ULK4: variants seen among roughly 807,000 people sequenced by gnomAD.
The protein encoded by ULK4 is unc-51 like kinase 4, also known as inactive serine/threonine-protein kinase ULK4.
Under a neutral mutation model 160.6 loss-of-function variants are expected in ULK4, and 133 were observed. The observed-to-expected ratio is 0.83, with a 90% CI of 0.72 to 0.96. ULK4 has a LOEUF of 0.96. Ranked by LOEUF, ULK4 falls within the 40% of genes least tolerant of loss-of-function variation. The pLI is 0.00. For missense variants in ULK4, 1,580 were observed against 1,499.5 expected, an observed-to-expected ratio of 1.05 and a Z score of -0.89; for synonymous variants, 534 against 539.8, an observed-to-expected ratio of 0.99 and a Z score of 0.15.
chr3:41,295,792 A>T (rs1482254511), intron 35 of ULK4, among the ~76,000 whole-genome samples: 1 of 152,254 alleles, frequency 6.6e-6, no homozygotes, highest in African/African-American at 2.4e-5. Flanking sequence ...GCTAGCAAGG[A>T]TGCAGAGCAA....
chr3:41,956,921 C>T (rs1700503136), intron 1 of ULK4, among the ~76,000 whole-genome samples: 1 of 152,160 alleles, frequency 6.6e-6, no homozygotes, highest in African/African-American at 2.4e-5. Context: ...AAAAAGTTTG[C>T]CAACCCCTGC....
At chr3:41,526,713 T>A (rs1019654575) in intron 32 of ULK4, among the ~76,000 whole-genome samples, 6 of 152,216 alleles carry the variant, frequency 3.9e-5, no homozygotes, top group Non-Finnish European at 5.9e-5. Context: ...ATACTTTGTT[T>A]GAAATCTACA....
At chr3:41,495,164 T>C (rs1399701325) in intron 32 of ULK4, among the ~76,000 whole-genome samples, 1 of 152,198 alleles carries the variant, frequency 6.6e-6, no homozygotes, top group Non-Finnish European at 1.5e-5. Flanking sequence ...GGCATCACAC[T>C]ACCTGACTTC....
At chr3:41,579,972 A>G (rs2030148882) in intron 31 of ULK4, among the ~76,000 whole-genome samples, 1 of 152,150 alleles carries the variant, frequency 6.6e-6, no homozygotes, top group Non-Finnish European at 1.5e-5. Flanking sequence ...CAGGCACTTC[A>G]AGGCATTTCT....
At chr3:41,459,923 C>CA (rs898722639) in intron 33 of ULK4, among the ~76,000 whole-genome samples, 60 of 152,242 alleles carry the variant, frequency 3.9e-4, no homozygotes, top group African/African-American at 1.3e-3. Flanking sequence ...AATGAGATGT[C>CA]ACTGAAGTTT....
At chr3:41,928,809 T>C (rs181273394) in intron 5 of ULK4, among the ~76,000 whole-genome samples, 19 of 152,134 alleles carry the variant, frequency 1.2e-4, no homozygotes, top group African/African-American at 4.3e-4. Context: ...AATCCCTGAA[T>C]AGACCAGTAA....
chr3:41,895,688 C>CA (rs1169747000), intron 15 of ULK4, 124 bp from the exon 16 acceptor site: 2 of 428,620 alleles, frequency 4.7e-6, no homozygotes, highest in African/African-American at 2.1e-5. Flanking sequence ...CACTGTACAC[C>CA]AAAAATGGTA....
chr3:41,847,640 T>C (rs2042101898), intron 17 of ULK4, among the ~76,000 whole-genome samples: 1 of 152,230 alleles, frequency 6.6e-6, no homozygotes. Context: ...CCCTTTGTTC[T>C]AAGTGGTTTC....
chr3:41,834,226 G>A (rs1483618612), intron 18 of ULK4, among the ~76,000 whole-genome samples: 1 of 151,738 alleles, frequency 6.6e-6, no homozygotes, highest in Non-Finnish European at 1.5e-5. Flanking sequence ...TTCAACCAAA[G>A]AAAGATGTAC....
chr3:41,934,499 A>C (rs780120204), intron 4 of ULK4, among the ~76,000 whole-genome samples: 11 of 152,262 alleles, frequency 7.2e-5, no homozygotes, highest in Non-Finnish European at 1.5e-4. Flanking sequence ...ACAATAACTG[A>C]CATCACTGTG....
rs80217357 is a variant in ULK4, at chr3:41,472,640, G to A, written c.3227-9387C>T. Among the ~76,000 whole-genome samples the A allele has an allele frequency of 7.8e-3, 1,183 of 151,430 alleles. 9 individuals are homozygous for A. The highest frequency in any genetic ancestry group is 0.02 in the African/African-American group (841 of 41,314). ...TTGAATAAATAGTAAAAAGTCTTCC[G>A]TCAAAGAAAAGCCCAGGACCTAATG... On this transcript the variant is annotated intron_variant, in intron 32 of 36. Transcript: ENST00000301831.
intron 30 of ULK4, among the ~76,000 whole-genome samples, chr3:41,619,286 C>T (rs902148986): frequency 1.3e-5 from 2 of 151,844 alleles, no homozygotes; most frequent in African/African-American, 2.4e-5. Context: ...TAATAGATAC[C>T]TACAGAACTC....
intron 11 of ULK4, among the ~76,000 whole-genome samples, chr3:41,909,350 T>C (rs1698691958): frequency 6.6e-6 from 1 of 152,176 alleles, no homozygotes; most frequent in Non-Finnish European, 1.5e-5. Context: ...ATTAAACATA[T>C]ACTTACATAG....
intron 32 of ULK4, among the ~76,000 whole-genome samples, chr3:41,525,007 G>T (rs1245694159): frequency 6.6e-6 from 1 of 152,010 alleles, no homozygotes; most frequent in Non-Finnish European, 1.5e-5. Flanking sequence ...AGATAAAGAC[G>T]GTTAACCAAA....
chr3:41,427,201 A>G (rs2082796272), intron 34 of ULK4, among the ~76,000 whole-genome samples: 1 of 152,222 alleles, frequency 6.6e-6, no homozygotes, highest in East Asian at 1.9e-4. Context: ...CACTCTCCCA[A>G]GACTGAACCA....
intron 21 of ULK4, among the ~76,000 whole-genome samples, chr3:41,759,536 T>A (rs2038919384): frequency 6.6e-6 from 1 of 152,110 alleles, no homozygotes; most frequent in South Asian, 2.1e-4. Context: ...GTAGTAAGAC[T>A]CAAGTTAGTC....
chr3:41,529,359 C>G (rs1417558251), intron 32 of ULK4, among the ~76,000 whole-genome samples: 2 of 152,168 alleles, frequency 1.3e-5, no homozygotes, highest in Non-Finnish European at 2.9e-5. Flanking sequence ...TGTTTAAATA[C>G]TCTTTGAAGC....
intron 21 of ULK4, among the ~76,000 whole-genome samples, chr3:41,757,582 A>G (rs1392680273): frequency 7.0e-6 from 1 of 143,826 alleles, no homozygotes; most frequent in South Asian, 2.4e-4. Context: ...CAGTGAGCCG[A>G]TATCGTGCCA....
intron 19 of ULK4, among the ~76,000 whole-genome samples, chr3:41,805,618 G>A (rs2040618682): frequency 6.6e-6 from 1 of 150,866 alleles, no homozygotes; most frequent in Non-Finnish European, 1.5e-5. Flanking sequence ...CTGGCTGTGG[G>A]TTTGTCATAG....
Sources: allele counts gnomAD v4.1 joint callset (sites outside exome capture counted in the v4.1 genomes callset), GRCh38; gene constraint gnomAD v4.1.1; transcripts MANE v1.5; gene names NCBI Gene and HGNC (gene_info 2026-07-23, HGNC 2026-07-21).